The following UBE3D variants were observed in gnomAD, a reference collection of about 807,000 sequenced individuals.
The protein encoded by UBE3D is ubiquitin protein ligase E3D.
In UBE3D, 48 loss-of-function variants were observed where a neutral mutation model predicts 49.6. That is an observed-to-expected ratio of 0.97 (90% CI 0.77 to 1.23). The LOEUF (loss-of-function observed/expected upper bound fraction) is 1.23, where lower values mean the gene tolerates loss of function less well. Ranked by LOEUF, UBE3D falls within the 50% of genes most tolerant of loss-of-function variation. The pLI is 0.00. For synonymous variants in UBE3D, 189 were observed against 174.2 expected, an observed-to-expected ratio of 1.08 and a Z score of -0.67; for missense variants, 452 against 468.4, an observed-to-expected ratio of 0.96 and a Z score of 0.32.
In UBE3D at chr6:83,043,218, C is replaced by A. The variant is rs571432888; in HGVS notation, c.597+1210G>T. Among the ~76,000 whole-genome samples, 8 of 152,252 alleles carry A rather than the reference C, an allele frequency of 5.3e-5. No individual in the cohort carries two copies. The South Asian group carries it at 1.7e-3, about 32-fold the overall frequency. On this transcript the variant is annotated intron_variant, in intron 4 of 9. Transcript: ENST00000369747. ...TTATTTAAAAAGGGAAACATGGTTT[C>A]TCTGATTCAATCTTTCTCTACTACT... is the stretch of plus-strand genomic sequence containing the variant.
At chr6:83,036,136 GC>G (rs1782236875) in intron 5 of UBE3D, 1 of 142,668 alleles carries the variant, frequency 7.0e-6, no homozygotes, top group East Asian at 2.1e-4. Context: ...CGATTCTCCT[GC>G]CTCAGCCTCC....
intron 8 of UBE3D, among the ~76,000 whole-genome samples, chr6:82,992,728 A>G (rs950448829): frequency 7.2e-5 from 11 of 152,138 alleles, no homozygotes; most frequent in Admixed American, 5.9e-4. Flanking sequence ...TCCTCATGCT[A>G]TCTAAAATTC....
chr6:83,026,679 G>T (rs1270491344), intron 5 of UBE3D, among the ~76,000 whole-genome samples: 1 of 152,026 alleles, frequency 6.6e-6, no homozygotes, highest in Admixed American at 6.6e-5. Flanking sequence ...TTAACTTTAT[G>T]AAATGCCTAT....
At chr6:83,062,115 G>A (rs1784213430) in intron 1 of UBE3D, among the ~76,000 whole-genome samples, 1 of 151,358 alleles carries the variant, frequency 6.6e-6, no homozygotes, top group African/African-American at 2.4e-5. Flanking sequence ...CTTCTCTACT[G>A]CCACCATTAA....
intron 8 of UBE3D, among the ~76,000 whole-genome samples, chr6:83,000,785 C>T (rs940054846): frequency 2.0e-5 from 3 of 152,154 alleles, no homozygotes; most frequent in African/African-American, 7.2e-5. Flanking sequence ...CCACCCCTTG[C>T]CTAGAAGCTC....
intron 8 of UBE3D, among the ~76,000 whole-genome samples, chr6:82,980,641 C>A (rs1339695188): frequency 6.6e-6 from 1 of 152,046 alleles, no homozygotes; most frequent in Non-Finnish European, 1.5e-5. Context: ...GTCATGAATT[C>A]TTTGCCTAGG....
At chr6:82,917,446 T>G (rs1382988908) in intron 9 of UBE3D, among the ~76,000 whole-genome samples, 1 of 152,110 alleles carries the variant, frequency 6.6e-6, no homozygotes, top group East Asian at 1.9e-4. Context: ...GCCCAGTAAT[T>G]GCTCACTGTG....
chr6:82,969,174 C>G (rs1278729823), intron 8 of UBE3D, among the ~76,000 whole-genome samples: 1 of 134,784 alleles, frequency 7.4e-6, no homozygotes, highest in Non-Finnish European at 1.5e-5. Context: ...AGAAAATGTG[C>G]CCAAGATATT....
At position 82,901,003 on chromosome 6, in the gene UBE3D, G is replaced by A. The variant is rs114971075; in HGVS notation, c.1150-7961C>T. 8.6e-3 allele frequency among the ~76,000 whole-genome samples: 1,314 copies of A among 152,168 alleles called. 16 individuals are homozygous for A. Among genetic ancestry groups the A allele is most frequent in the African/African-American group, 0.03 (1,262 of 41,524 alleles). ...TTAAATACGTGATTTATGATTATAT[G>A]AATTATAGACAAACTTACAAAACAC... is the stretch of plus-strand genomic sequence containing the variant. On this transcript the variant is annotated intron_variant, in intron 9 of 9. Transcript: ENST00000369747.
At chr6:83,062,635 T>C (rs1180279300) in intron 1 of UBE3D, among the ~76,000 whole-genome samples, 1 of 152,186 alleles carries the variant, frequency 6.6e-6, no homozygotes, top group Non-Finnish European at 1.5e-5. Flanking sequence ...TCAGAACAGA[T>C]TTAAAATCAC....
In UBE3D at chr6:82,957,419, C is replaced by G. The variant is rs139765458; in HGVS notation, c.1042G>C (p.Val348Leu). Reference protein sequence around the residue: ...LVSLWESDISVHPLTLPSATC... With the variant: ...LVSLWESDISLHPLTLPSATC... ...GCAGAGGGCAGGGTTAGCGGGTGGACGCTGATGTCACTTTCCCACAAGCTG... is the reference window on the plus strand; with the variant it reads ...GCAGAGGGCAGGGTTAGCGGGTGGAGGCTGATGTCACTTTCCCACAAGCTG... The change falls in exon 9 of 10, where the codon GTC (valine) becomes CTC (leucine). Residue 348 changes from valine (V) to leucine (L), a missense_variant. Transcript: ENST00000369747. The G allele has an allele frequency of 7.4e-6, 12 of 1,613,884 alleles. No individual in the cohort carries two copies. In the Admixed American group the frequency reaches 2.0e-4, roughly 27 times the overall value.
At chr6:83,010,814 G>T (rs1780283961) in intron 8 of UBE3D, among the ~76,000 whole-genome samples, 1 of 152,090 alleles carries the variant, frequency 6.6e-6, no homozygotes, top group African/African-American at 2.4e-5. Context: ...TTCCAGCCAT[G>T]CTGGCAGCTG....
At chr6:82,920,157 G>A (rs1773222257) in intron 9 of UBE3D, among the ~76,000 whole-genome samples, 1 of 152,196 alleles carries the variant, frequency 6.6e-6, no homozygotes, top group Non-Finnish European at 1.5e-5. Flanking sequence ...CTGTGGGAGA[G>A]AAGTAGTTTG....
intron 8 of UBE3D, among the ~76,000 whole-genome samples, chr6:82,968,922 T>A (rs1472646192): frequency 6.6e-6 from 1 of 152,208 alleles, no homozygotes; most frequent in Non-Finnish European, 1.5e-5. Context: ...ACTTCAGGAA[T>A]GCCATCAGTA....
chr6:83,057,961 T>C lies in UBE3D; in HGVS notation c.139A>G (p.Lys47Glu), dbSNP rs942389762. ...ISIMPSSLQMKTPEGCTEIQL... is the reference protein window; with the variant it reads ...ISIMPSSLQMETPEGCTEIQL... ...ATTTCTGTGCAGCCTTCAGGGGTTTTCATCTGGAGTGAAGATGGCATTATG... is the reference window on the plus strand; with the variant it reads ...ATTTCTGTGCAGCCTTCAGGGGTTTCCATCTGGAGTGAAGATGGCATTATG... Residue 47 changes from lysine (K) to glutamate (E), a missense_variant, in exon 2 of 10, where the codon AAA (lysine) becomes GAA (glutamate). By Grantham distance (56) the Lys-to-Glu change is moderately conservative. Transcript: ENST00000369747. 6 of 1,614,190 alleles carry C rather than the reference T, an allele frequency of 3.7e-6. No homozygotes were observed. The highest frequency in any genetic ancestry group is 5.1e-6 in the Non-Finnish European group (6 of 1,180,034).
At chr6:82,910,912 G>A (rs1181461767) in intron 9 of UBE3D, among the ~76,000 whole-genome samples, 1 of 152,070 alleles carries the variant, frequency 6.6e-6, no homozygotes, top group African/African-American at 2.4e-5. Flanking sequence ...TTTTTCAAAT[G>A]TTTACTTTCC....
chr6:83,025,935 A>C (rs1781431315), intron 5 of UBE3D, among the ~76,000 whole-genome samples: 1 of 151,520 alleles, frequency 6.6e-6, no homozygotes, highest in South Asian at 2.1e-4. Flanking sequence ...GTGGCACCAT[A>C]ATTAAACATA....
intron 1 of UBE3D, among the ~76,000 whole-genome samples, chr6:83,061,148 C>T (rs1166101452): frequency 6.6e-6 from 1 of 152,198 alleles, no homozygotes; most frequent in African/African-American, 2.4e-5. Context: ...AAATCTGAAT[C>T]TTGTCTTGAA....
rs149933681 is a variant in UBE3D, at chr6:82,982,186, C to T, written c.1011-24736G>A. Among the ~76,000 whole-genome samples, 877 of 152,272 alleles carry T rather than the reference C, an allele frequency of 5.8e-3. 8 individuals carry two copies. The highest frequency in any genetic ancestry group is 0.031 in the Middle Eastern group (9 of 294). ...CTAACTTGTTTCAGCTATATTCCCACCCAATACTCTCAACCCCTGGATCTT... is the reference window on the plus strand; with the variant it reads ...CTAACTTGTTTCAGCTATATTCCCATCCAATACTCTCAACCCCTGGATCTT... On this transcript the variant is annotated intron_variant, in intron 8 of 9. Transcript: ENST00000369747.
Sources: gnomAD v4.1 joint callset for allele counts (sites outside exome capture counted in the v4.1 genomes callset) on GRCh38, gnomAD v4.1.1 for gene constraint, MANE v1.5 for transcripts, NCBI Gene and HGNC (gene_info 2026-07-23, HGNC 2026-07-21) for gene names.